Variants in NUP210L observed in about 807,000 individuals in gnomAD.
NUP210L encodes nucleoporin 210 like.
Under a neutral mutation model 208.5 loss-of-function variants are expected in NUP210L, and 74 were observed. That is an observed-to-expected ratio of 0.35 (90% confidence interval 0.29 to 0.43). NUP210L has a LOEUF of 0.43. NUP210L is among the 20% of genes least tolerant of loss of function. The pLI is 1.00. For missense variants in NUP210L, 1,843 were observed against 2,289.4 expected (o/e 0.81, Z 3.98); for synonymous variants, 780 against 816.9 (o/e 0.95, Z 0.77).
At position 153,992,814 on chromosome 1, in the gene NUP210L, AG is replaced by A. The variant is rs758401462; in HGVS notation, c.*20del. On this transcript the variant is annotated 3_prime_UTR_variant, in exon 40 of 40. Transcript: ENST00000368559. Reference sequence around the variant, plus strand: ...AAATCTTCATTCCCCTGCAGTTAAGAGAAACTTGTCCAAGCAGAGGTTAGTG... The same window carrying A: ...AAATCTTCATTCCCCTGCAGTTAAGAAAACTTGTCCAAGCAGAGGTTAGTG... The A allele has an allele frequency of 4.6e-6, 7 of 1,524,056 alleles. No individual in the cohort carries two copies. The South Asian group carries it at 7.2e-5, about 16-fold the overall frequency. 94.4% of individuals were successfully genotyped at this position (1,524,056 alleles called of 1,614,324 possible). A position where few individuals can be genotyped will look rare whatever the true frequency, so the allele number is the denominator to read the frequency against.
intron 2 of NUP210L, among the ~76,000 whole-genome samples, chr1:154,147,061 A>C (rs572024952): frequency 3.3e-5 from 5 of 152,128 alleles, no homozygotes; most frequent in Admixed American, 3.3e-4. Flanking sequence ...CCTTCCTTTA[A>C]ATTGTGGGCT....
intron 35 of NUP210L, among the ~76,000 whole-genome samples, chr1:154,002,324 C>G (rs1385479687): frequency 6.6e-6 from 1 of 152,072 alleles, no homozygotes; most frequent in Non-Finnish European, 1.5e-5. Flanking sequence ...TGGCGATCCT[C>G]CCACCTCAGC....
chr1:154,060,858 TAAG>T, intron 19 of NUP210L, 81 bp downstream of exon 19: 1 of 939,540 alleles, frequency 1.1e-6, no homozygotes, highest in Non-Finnish European at 1.6e-6. Context: ...AACACATAAG[TAAG>T]TTTTTTAATT....
intron 1 of NUP210L, 24 bp downstream of exon 1, chr1:154,154,818 T>C (rs1334157525): frequency 1.3e-6 from 2 of 1,582,962 alleles, no homozygotes; most frequent in South Asian, 2.2e-5. Flanking sequence ...AGGGTGCATA[T>C]CCTTGTCACC....
chr1:154,038,971 C>T (rs375208644), intron 27 of NUP210L, among the ~76,000 whole-genome samples: 7 of 152,040 alleles, frequency 4.6e-5, no homozygotes, highest in Admixed American at 3.9e-4. Context: ...TTGTCTTTGT[C>T]TTGAAAATTT....
chr1:154,038,028 G>C (rs1303354683), intron 27 of NUP210L, among the ~76,000 whole-genome samples: 1 of 152,026 alleles, frequency 6.6e-6, no homozygotes, highest in Non-Finnish European at 1.5e-5. Flanking sequence ...TTGTTTTGTG[G>C]TCTTCTCTTC....
intron 9 of NUP210L, 100 bp from the exon 10 acceptor site, chr1:154,126,563 T>TA: frequency 9.8e-7 from 1 of 1,023,044 alleles, no homozygotes; most frequent in Non-Finnish European, 1.4e-6. Flanking sequence ...TATGCATTCA[T>TA]GGAATAAAGA....
At chr1:154,115,425 A>T (rs1435738824) in intron 12 of NUP210L, among the ~76,000 whole-genome samples, 2 of 152,230 alleles carry the variant, frequency 1.3e-5, no homozygotes, top group African/African-American at 4.8e-5. Context: ...TGTGTTCTGA[A>T]AAAAGTTTAT....
At chr1:154,054,904 AAT>A in intron 23 of NUP210L, 72 bp from the exon 24 acceptor site, 3 of 1,128,662 alleles carry the variant, frequency 2.7e-6, no homozygotes, top group Admixed American at 2.0e-5. Context: ...TGGTCATTTA[AAT>A]TTTTTTTTTT....
chr1:154,019,008 T>G (rs776190166), exon 33 of NUP210L: 3 of 1,614,082 alleles, frequency 1.9e-6, no homozygotes, highest in Middle Eastern at 3.3e-4. Context: ...CCACTCCTAC[T>G]CCAGTGACAA....
At chr1:154,017,284 CAAA>C (rs1266870105) in intron 33 of NUP210L, among the ~76,000 whole-genome samples, 1 of 107,436 alleles carries the variant, frequency 9.3e-6, no homozygotes, top group Non-Finnish European at 2.0e-5. Flanking sequence ...CTGTCTCCAA[CAAA>C]AAAAAAAAAA....
At chr1:154,025,840 G>C (rs1479493861) in intron 29 of NUP210L, 124 bp from the exon 30 acceptor site, 1 of 708,590 alleles carries the variant, frequency 1.4e-6, no homozygotes, top group East Asian at 2.6e-5. Flanking sequence ...CATTCTCCAC[G>C]TGTGTAATTA....
intron 11 of NUP210L, among the ~76,000 whole-genome samples, 191 bp from the exon 12 acceptor site, chr1:154,118,071 A>C (rs1224917282): frequency 6.6e-6 from 1 of 152,216 alleles, no homozygotes; most frequent in Non-Finnish European, 1.5e-5. Context: ...GCACTTTGGA[A>C]GGCCAAGGTG....
At chr1:154,060,626 C>T (rs754641002) in exon 20 of NUP210L, 6 of 1,611,006 alleles carry the variant, frequency 3.7e-6, no homozygotes, top group Non-Finnish European at 4.2e-6. Flanking sequence ...GATCCTTCCA[C>T]AAGGCTAAAT....
At chr1:154,114,372 C>T (rs916400357) in intron 12 of NUP210L, among the ~76,000 whole-genome samples, 3 of 152,026 alleles carry the variant, frequency 2.0e-5, no homozygotes, top group African/African-American at 7.2e-5. Flanking sequence ...AGTTCCTCTT[C>T]CTATGTTTCT....
chr1:154,075,104 GC>G (rs1361825496), intron 16 of NUP210L, among the ~76,000 whole-genome samples: 1 of 152,136 alleles, frequency 6.6e-6, no homozygotes, highest in African/African-American at 2.4e-5. Flanking sequence ...TCCCTACTGA[GC>G]TGGAATCAAC....
chr1:154,095,650 A>C (rs895097307), intron 14 of NUP210L, among the ~76,000 whole-genome samples: 1 of 152,210 alleles, frequency 6.6e-6, no homozygotes, highest in Non-Finnish European at 1.5e-5. Context: ...AAATAACTGC[A>C]TAAGCATTTT....
At chr1:153,998,254 A>G (rs899709931) in intron 37 of NUP210L, among the ~76,000 whole-genome samples, 1 of 152,128 alleles carries the variant, frequency 6.6e-6, no homozygotes, top group Admixed American at 6.6e-5. Flanking sequence ...TTAGTGGTCA[A>G]TTGAAAATAA....
At chr1:154,052,829 T>C (rs927028689) in intron 25 of NUP210L, among the ~76,000 whole-genome samples, 2 of 152,214 alleles carry the variant, frequency 1.3e-5, no homozygotes, top group African/African-American at 4.8e-5. Context: ...CAGTCATTAT[T>C]GATTGGTCCC....
Sources: allele counts gnomAD v4.1 joint callset (sites outside exome capture counted in the v4.1 genomes callset), GRCh38; gene constraint gnomAD v4.1.1; transcripts MANE v1.5; gene names NCBI Gene and HGNC (gene_info 2026-07-23, HGNC 2026-07-21).